The following MYO9B variants were observed in gnomAD, a reference collection of about 807,000 sequenced individuals.
MYO9B encodes myosin IXB.
MYO9B carries 71 observed loss-of-function variants against 229.5 expected under a neutral mutation model. The ratio of observed to expected loss-of-function variants is 0.31; its 90% CI spans 0.26 to 0.38. The LOEUF (loss-of-function observed/expected upper bound fraction) is 0.38, where lower values mean the gene tolerates loss of function less well. MYO9B is among the 10% of genes least tolerant of loss of function. The pLI is 1.00. For missense variants in MYO9B, 2,255 were observed against 2,920.5 expected, an observed-to-expected ratio of 0.77 and a Z score of 5.25; for synonymous variants, 1,185 against 1,235.8, an observed-to-expected ratio of 0.96 and a Z score of 0.86.
At chr19:17,205,882 A>G in intron 31 of MYO9B, 78 bp from the exon 32 acceptor site, 1 of 1,387,848 alleles carries the variant, frequency 7.2e-7, no homozygotes, top group South Asian at 1.4e-5. Context: ...GTGCGGGACC[A>G]GGAGGCAGAG....
Position 17,172,503 on chromosome 19 carries a change from TGGAAGCCTGAG to T in MYO9B, c.1935+34_1935+44del. 6.2e-7 allele frequency: 1 copy of T among 1,610,960 alleles called. No individual in the cohort carries two copies. Among genetic ancestry groups the T allele is most frequent in the Non-Finnish European group, 8.5e-7 (1 of 1,178,676 alleles). The stretch of plus-strand genomic sequence containing the variant: ...GTAGGTGTCTGCCCATCACCACTGG[TGGAAGCCTGAG>T]GGAAGCCACAGTCAGCCCAGAAGCC... On this transcript the variant is annotated intron_variant, in intron 12 of 39. Transcript: ENST00000682292. This position sits in a 1 kb window ranked among gnomAD's most constrained non-coding sequence, Gnocchi z 8.2.
intron 35 of MYO9B, among the ~76,000 whole-genome samples, chr19:17,209,000 C>T (rs2145520082): frequency 6.6e-6 from 1 of 152,150 alleles, no homozygotes; most frequent in South Asian, 2.1e-4. Context: ...CCCTCTGGTA[C>T]TGACCACTCC....
At chr19:17,122,111 GC>G (rs1409954189) in intron 2 of MYO9B, among the ~76,000 whole-genome samples, 1 of 152,196 alleles carries the variant, frequency 6.6e-6, no homozygotes, top group Non-Finnish European at 1.5e-5. Context: ...TGCAGAATGA[GC>G]CTCCACTCAG....
At position 17,187,934 on chromosome 19, in the gene MYO9B, G is replaced by A; in HGVS notation, c.2578-1G>A. 1 of 1,578,518 alleles carries A rather than the reference G, an allele frequency of 6.3e-7. No homozygotes were observed. Among genetic ancestry groups the A allele is most frequent in the Non-Finnish European group, 8.6e-7 (1 of 1,162,124 alleles). On this transcript the variant is annotated splice_acceptor_variant, in intron 18 of 39. Transcript: ENST00000682292. LOFTEE classifies it high-confidence loss of function. ...CCTGATGTCTCGCATTCCCATTTCA[G>A]AAAGAGCTGTGCTTTGACGACGAGC...
intron 2 of MYO9B, among the ~76,000 whole-genome samples, chr19:17,121,388 T>A (rs1228487672): frequency 6.6e-6 from 1 of 151,838 alleles, no homozygotes; most frequent in African/African-American, 2.4e-5. Flanking sequence ...ATTCAGACTT[T>A]CTTTCCCCAC....
Position 17,172,830 on chromosome 19 carries a change from C to T in MYO9B, c.2007C>T (p.Ser669=), listed in dbSNP as rs773659186. ...CCCTGCTGCGGGGCAGTGACAGCTC[C>T]TACGTGCGGGAGCTCATCGGCATGG... is the stretch of plus-strand genomic sequence containing the variant. The part of the protein sequence containing the change: ...IVALLRGSDS[S]YVRELIGMDP... The change falls in exon 13 of 40, where the codon TCC becomes TCT. Residue 669 remains serine (S), a synonymous_variant. Transcript: ENST00000682292. The surrounding 1 kb of genome is among the most constrained non-coding windows in gnomAD (Gnocchi z 8.2). 4.3e-6 allele frequency: 7 copies of T among 1,612,404 alleles called. No individual in the cohort carries two copies. The highest frequency in any genetic ancestry group is 5.1e-6 in the Non-Finnish European group (6 of 1,179,852).
In MYO9B at chr19:17,172,495, A is replaced by T; in HGVS notation, c.1935+18A>T. 6.2e-7 allele frequency: 1 copy of T among 1,611,714 alleles called. No individual in the cohort carries two copies. The highest frequency in any genetic ancestry group is 1.3e-5 in the African/African-American group (1 of 74,994). On this transcript the variant is annotated intron_variant, in intron 12 of 39. Coordinates refer to ENST00000682292, the MANE Select transcript of MYO9B (RefSeq NM_004145.4). This position sits in a 1 kb window ranked among gnomAD's most constrained non-coding sequence, Gnocchi z 8.2. ...AGATCAAGGTAGGTGTCTGCCCATC[A>T]CCACTGGTGGAAGCCTGAGGGAAGC...
chr19:17,143,312 G>C (rs959421299), intron 2 of MYO9B, among the ~76,000 whole-genome samples: 1 of 152,050 alleles, frequency 6.6e-6, no homozygotes, highest in Non-Finnish European at 1.5e-5. Context: ...GTTGGAATGG[G>C]CCTTGGCTAT....
chr19:17,155,335 C>T (rs961715930), intron 6 of MYO9B, among the ~76,000 whole-genome samples: 4 of 151,932 alleles, frequency 2.6e-5, no homozygotes, highest in Non-Finnish European at 4.4e-5. Context: ...ACTACAGGCG[C>T]GTGCCACCAC....
chr19:17,171,386 C>T (rs2072723371), intron 11 of MYO9B, among the ~76,000 whole-genome samples: 1 of 152,174 alleles, frequency 6.6e-6, no homozygotes, highest in Admixed American at 6.5e-5. Flanking sequence ...CTCTCCTAGC[C>T]TCTTCTTCCA....
At chr19:17,174,949 TAA>T (rs201356366) in intron 13 of MYO9B, among the ~76,000 whole-genome samples, 9,365 of 149,876 alleles carry the variant, frequency 0.062, 386 homozygotes, top group Non-Finnish European at 0.093. Context: ...AATAAATAAA[TAA>T]ATAATAAATT....
intron 2 of MYO9B, among the ~76,000 whole-genome samples, chr19:17,115,555 G>A (rs764879473): frequency 4.1e-5 from 6 of 145,928 alleles, no homozygotes; most frequent in African/African-American, 1.5e-4. Context: ...TGCAACCTCC[G>A]CCTCCCGGGT....
At position 17,200,417 on chromosome 19, in the gene MYO9B, G is replaced by A. The variant is rs117099942; in HGVS notation, c.4363G>A (p.Gly1455Ser). The A allele has an allele frequency of 0.037, 57,978 of 1,578,960 alleles. 1,187 individuals are homozygous for A. Among genetic ancestry groups the A allele is most frequent in the Non-Finnish European group, 0.043 (50,408 of 1,161,944 alleles). ...VVLEATTMKK[G>S]LEAPSGQQHR... ...GCTGGAAGCCACCACCATGAAGAAGGGCCTGGAAGGTTGGTAGCCTGCAGC... is the reference window on the plus strand; with the variant it reads ...GCTGGAAGCCACCACCATGAAGAAGAGCCTGGAAGGTTGGTAGCCTGCAGC... The change falls in exon 25 of 40, where the codon GGC becomes AGC. Residue 1455 changes from glycine to serine, a missense_variant. Coordinates refer to ENST00000682292, the MANE Select transcript of MYO9B (RefSeq NM_004145.4).
At chr19:17,151,168 A>T (rs1229556976) in intron 3 of MYO9B, among the ~76,000 whole-genome samples, 5 of 151,928 alleles carry the variant, frequency 3.3e-5, no homozygotes, top group Non-Finnish European at 7.4e-5. Flanking sequence ...AATCTCAGCT[A>T]CTGGAAGGCT....
At chr19:17,117,791 A>G (rs946196142) in intron 2 of MYO9B, among the ~76,000 whole-genome samples, 3 of 151,980 alleles carry the variant, frequency 2.0e-5, no homozygotes, top group African/African-American at 7.3e-5. Context: ...TACAAAAATT[A>G]GCCAAGCGTG....
At position 17,195,442 on chromosome 19, in the gene MYO9B, C is replaced by T. The variant is rs748214669; in HGVS notation, c.4015C>T (p.Arg1339Trp). 73 of 1,604,218 alleles carry T rather than the reference C, an allele frequency of 4.6e-5. 1 individual carries two copies. Among genetic ancestry groups the T allele is most frequent in the South Asian group, 3.3e-4 (30 of 90,630 alleles). Residue 1339 changes from arginine to tryptophan, a missense_variant, in exon 22 of 40, where the codon CGG (arginine) becomes TGG (tryptophan). By Grantham distance (101) the Arg-to-Trp change is moderately radical. This residue lies in a region of MYO9B where 679 missense variants were observed against 770.2 expected (regional missense o/e 0.88). Transcript: ENST00000682292. The surrounding 1 kb of genome is among the most constrained non-coding windows in gnomAD (Gnocchi z 4.5). ...GTCCCTGGACCTCAGCGACAGACAC[C>T]GGGCCACAGGGGCCGCCCTCACGCC... ...SQSLDLSDRH[R>W]ATGAALTPTE...
chr19:17,179,379 G>C (rs2072828884), intron 14 of MYO9B, among the ~76,000 whole-genome samples: 1 of 149,914 alleles, frequency 6.7e-6, no homozygotes, highest in African/African-American at 2.5e-5. Flanking sequence ...TCCTCCCACA[G>C]AGACCCTCCC....
chr19:17,088,409 T>A (rs952963400), intron 1 of MYO9B, among the ~76,000 whole-genome samples: 2 of 152,232 alleles, frequency 1.3e-5, no homozygotes, highest in Non-Finnish European at 2.9e-5. Context: ...GCATGAGTTT[T>A]GGGGAGCACG....
chr19:17,141,311 C>T (rs1422276465), intron 2 of MYO9B, among the ~76,000 whole-genome samples: 2 of 152,182 alleles, frequency 1.3e-5, no homozygotes, highest in African/African-American at 4.8e-5. Flanking sequence ...TTCCTTCACA[C>T]TGTGGCCTCG....
Sources: gnomAD v4.1 joint callset for allele counts (sites outside exome capture counted in the v4.1 genomes callset) on GRCh38, gnomAD v4.1.1 for gene constraint, gnomAD v4.1.1 regional missense constraint, Gnocchi (gnomAD v3.1) non-coding constraint, MANE v1.5 for transcripts, NCBI Gene and HGNC (gene_info 2026-07-23, HGNC 2026-07-21) for gene names.